The following CLCA4 variants were observed in gnomAD, a reference collection of about 807,000 sequenced individuals.
CLCA4 encodes the protein calcium-activated chloride channel regulator 4.
Under a neutral mutation model 78.9 loss-of-function variants are expected in CLCA4, and 69 were observed. That is an observed-to-expected ratio of 0.87 (90% CI 0.72 to 1.07). The LOEUF (loss-of-function observed/expected upper bound fraction) is 1.07. Ranked by LOEUF, CLCA4 falls within the 50% of genes least tolerant of loss-of-function variation. The pLI is 0.00. For synonymous variants in CLCA4, 362 were observed against 375.8 expected, an observed-to-expected ratio of 0.96 and a Z score of 0.42; for missense variants, 1,133 against 1,095.8, an observed-to-expected ratio of 1.03 and a Z score of -0.48.
At chr1:86,562,289 T>C (rs907355076) in intron 3 of CLCA4, among the ~76,000 whole-genome samples, 2 of 152,204 alleles carry the variant, frequency 1.3e-5, no homozygotes, top group Non-Finnish European at 2.9e-5. Flanking sequence ...ACGCACCAAA[T>C]TCCTACTGCA....
rs2101807253 is a variant in CLCA4 at position 86,567,608 on chromosome 1, T to G, written c.1139T>G (p.Leu380Arg). The G allele has an allele frequency of 6.2e-7, 1 of 1,612,880 alleles. No individual in the cohort carries two copies. Among genetic ancestry groups the G allele is most frequent in the South Asian group, 1.1e-5 (1 of 90,976 alleles). ...TLMAGLPTYP[L>R]GGTSICSGIK... ...ATGGCAGGATTACCTACATATCCTCTGGGAGGAACTTCCATCTGCTCTGGA... is the reference window on the plus strand; with the variant it reads ...ATGGCAGGATTACCTACATATCCTCGGGGAGGAACTTCCATCTGCTCTGGA... Residue 380 changes from leucine to arginine, a missense_variant, in exon 7 of 14, where the codon CTG becomes CGG. Physicochemically the swap from Leu to Arg is moderately radical, Grantham distance 102 (BLOSUM62 -2). Transcript: ENST00000370563.
At chr1:86,567,766 G>C in intron 7 of CLCA4, 115 bp downstream of exon 7, 2 of 805,884 alleles carry the variant, frequency 2.5e-6, no homozygotes, top group South Asian at 1.8e-5. Flanking sequence ...CTAATCCTAA[G>C]AGGCACAGGA....
chr1:86,566,310 C>T (rs1458124193), intron 6 of CLCA4, among the ~76,000 whole-genome samples: 4 of 151,952 alleles, frequency 2.6e-5, no homozygotes, highest in East Asian at 3.8e-4. Context: ...CAATGTCCTG[C>T]GCATACCTCT....
At chr1:86,552,450 G>A (rs1649693817) in intron 1 of CLCA4, among the ~76,000 whole-genome samples, 1 of 152,232 alleles carries the variant, frequency 6.6e-6, no homozygotes, top group African/African-American at 2.4e-5. Context: ...AAGTGAGTGG[G>A]ACGGGCCTGG....
intron 1 of CLCA4, among the ~76,000 whole-genome samples, chr1:86,551,961 A>C (rs538153861): frequency 7.6e-4 from 116 of 152,298 alleles, no homozygotes; most frequent in Non-Finnish European, 1.1e-3. Context: ...GGTAGCACAG[A>C]ACATAATGGA....
At chr1:86,551,024 G>A (rs1457068684) in intron 1 of CLCA4, among the ~76,000 whole-genome samples, 12 of 151,770 alleles carry the variant, frequency 7.9e-5, no homozygotes, top group Admixed American at 7.9e-4. Flanking sequence ...GTAGAGACGG[G>A]GTTTCACCGT....
chr1:86,579,847 C>A, intron 13 of CLCA4, 95 bp from the exon 14 acceptor site: 1 of 893,930 alleles, frequency 1.1e-6, no homozygotes, highest in South Asian at 1.8e-5. Context: ...TTTGATCTAT[C>A]TGCTTTGCAT....
chr1:86,554,202 G>C (rs1318422436), intron 1 of CLCA4, among the ~76,000 whole-genome samples: 1 of 152,014 alleles, frequency 6.6e-6, no homozygotes, highest in Non-Finnish European at 1.5e-5. Context: ...GTGTTCATGA[G>C]TTCTCATCAT....
Position 86,577,920 on chromosome 1 carries a change from A to T in CLCA4, c.1970A>T (p.Asn657Ile), listed in dbSNP as rs1195684015. 1.2e-6 allele frequency: 2 copies of T among 1,611,418 alleles called. No homozygotes were observed. Among genetic ancestry groups the T allele is most frequent in the Non-Finnish European group, 1.7e-6 (2 of 1,178,806 alleles). ...DNGAGADSFK[N>I]DGVYSRYFTA... ...TAACAAGGCGCTGATTCTTTCAAGA[A>T]TGATGGAGTCTACTCCAGGTATTTT... is the stretch of plus-strand genomic sequence containing the variant. The change falls in exon 12 of 14, where the codon AAT becomes ATT. Residue 657 changes from asparagine (N) to isoleucine (I), a missense_variant. By Grantham distance (149) the Asn-to-Ile change is moderately radical (BLOSUM62 -3). Transcript: ENST00000370563.
At chr1:86,565,717 A>G (rs930673419) in intron 5 of CLCA4, 85 bp from the exon 6 acceptor site, 2 of 787,814 alleles carry the variant, frequency 2.5e-6, no homozygotes, top group Non-Finnish European at 3.8e-6. Context: ...ATATCTGCAG[A>G]AGACTTTTAA....
rs1463257819 is a variant in CLCA4, at chr1:86,577,941, A to G, written c.1991A>G (p.Tyr664Cys). 2 of 1,612,866 alleles carry G rather than the reference A, an allele frequency of 1.2e-6. No homozygotes were observed. Among genetic ancestry groups the G allele is most frequent in the Admixed American group, 3.3e-5 (2 of 59,878 alleles). Residue 664 changes from tyrosine to cysteine, a missense_variant, in exon 12 of 14, where the codon TAT (tyrosine) becomes TGT (cysteine). Tyr to Cys is a radical substitution (Grantham distance 194). Coordinates refer to ENST00000370563, the MANE Select transcript of CLCA4 (RefSeq NM_012128.4). ...AAGAATGATGGAGTCTACTCCAGGT[A>G]TTTTACAGCATATACAGAAAATGGC... ...SFKNDGVYSR[Y>C]FTAYTENGRY... is the part of the protein sequence containing the mutation.
chr1:86,552,913 C>G, intron 1 of CLCA4: 1 of 671,196 alleles, frequency 1.5e-6, no homozygotes, highest in Non-Finnish European at 2.7e-6. Flanking sequence ...ATCTCCCAGA[C>G]GCTCCTCCCT....
intron 11 of CLCA4, among the ~76,000 whole-genome samples, chr1:86,577,188 T>G (rs1332112933): frequency 1.3e-5 from 2 of 152,126 alleles, no homozygotes; most frequent in Non-Finnish European, 2.9e-5. Context: ...CATGTTTCCC[T>G]TCTCAACATT....
Position 86,565,854 on chromosome 1 carries a change from A to G in CLCA4, c.788A>G (p.Gln263Arg). The change falls in exon 6 of 14, where the codon CAA becomes CGA. Residue 263 changes from glutamine (Q) to arginine (R), a missense_variant. Gln to Arg is a conservative substitution (Grantham distance 43, BLOSUM62 1). Coordinates refer to ENST00000370563, the MANE Select transcript of CLCA4 (RefSeq NM_012128.4). ...CATAATCAAGAAGCTCCAAGCCTAC[A>G]AAACATAAAGTGCAATTTTAGAAGT... ...KTHNQEAPSL[Q>R]NIKCNFRSTW... 1 of 1,601,786 alleles carries G rather than the reference A, an allele frequency of 6.2e-7. No individual in the cohort carries two copies. The highest frequency in any genetic ancestry group is 1.1e-5 in the South Asian group (1 of 88,980).
intron 8 of CLCA4, 96 bp downstream of exon 8, chr1:86,571,350 G>T: frequency 8.0e-7 from 1 of 1,252,080 alleles, no homozygotes; most frequent in Non-Finnish European, 1.1e-6. Flanking sequence ...TGCCTTGGAG[G>T]CACTGAAGCT....
At position 86,565,411 on chromosome 1, in the gene CLCA4, C is replaced by T. The variant is rs769283564; in HGVS notation, c.695C>T (p.Thr232Ile). Residue 232 changes from threonine (T) to isoleucine (I), a missense_variant, in exon 5 of 14, where the codon ACA becomes ATA. Transcript: ENST00000370563. ...DCQFFPDKVQ[T>I]EKASIMFMQS... is the part of the protein sequence containing the mutation. The stretch of plus-strand genomic sequence containing the variant: ...CAATTCTTTCCTGATAAAGTACAAA[C>T]AGAAAAAGCATCCATAATGTTTATG... 1 of 1,604,150 alleles carries T rather than the reference C, an allele frequency of 6.2e-7. No homozygotes were observed. The highest frequency in any genetic ancestry group is 1.7e-5 in the Admixed American group (1 of 58,338).
intron 4 of CLCA4, among the ~76,000 whole-genome samples, 194 bp from the exon 5 acceptor site, chr1:86,565,080 C>A (rs1222654292): frequency 6.6e-6 from 1 of 151,914 alleles, no homozygotes. Flanking sequence ...TTAAAATTTC[C>A]CTCTAGAATT....
chr1:86,564,175 G>T (rs559043742), intron 4 of CLCA4, among the ~76,000 whole-genome samples: 25 of 152,244 alleles, frequency 1.6e-4, no homozygotes, highest in Middle Eastern at 3.4e-3. Context: ...ACTTCTTGGA[G>T]ATTTATAAAG....
chr1:86,563,042 A>G (rs557183091), intron 3 of CLCA4, among the ~76,000 whole-genome samples: 1 of 151,924 alleles, frequency 6.6e-6, no homozygotes, highest in African/African-American at 2.4e-5. Context: ...GTTTTTCCCA[A>G]CATTGCTAAA....
Sources: gnomAD v4.1 joint callset for allele counts (sites outside exome capture counted in the v4.1 genomes callset) on GRCh38, gnomAD v4.1.1 for gene constraint, MANE v1.5 for transcripts, NCBI Gene and HGNC (gene_info 2026-07-23, HGNC 2026-07-21) for gene names.